The following ZBTB20 variants were observed in gnomAD, a reference collection of about 807,000 sequenced individuals.
ZBTB20 encodes zinc finger and BTB domain containing 20, also known as zinc finger and BTB domain-containing protein 20.
ZBTB20 carries 9 observed loss-of-function variants against 56.9 expected under a neutral mutation model. That is an observed-to-expected ratio of 0.16 (90% CI 0.10 to 0.28). ZBTB20 has a LOEUF of 0.28. ZBTB20 is among the 10% of genes least tolerant of loss of function. ZBTB20 has a pLI of 1.00. For synonymous variants in ZBTB20, 417 were observed against 420.7 expected (o/e 0.99, Z 0.11); for missense variants, 655 against 1,003.0 (o/e 0.65, Z 4.69).
At chr3:115,040,300 G>A (rs2081088532) in intron 2 of ZBTB20, among the ~76,000 whole-genome samples, 1 of 152,076 alleles carries the variant, frequency 6.6e-6, no homozygotes, top group South Asian at 2.1e-4. Context: ...CTTATAATAT[G>A]TCAGGGTAAG....
chr3:115,059,136 C>T (rs756546480), intron 2 of ZBTB20, among the ~76,000 whole-genome samples: 4 of 152,208 alleles, frequency 2.6e-5, no homozygotes, highest in African/African-American at 7.2e-5. Flanking sequence ...CTTCTAATTC[C>T]GTCATCTCTG....
rs1372276452 is a variant in ZBTB20, at chr3:114,318,643, G to A, written c.*20362C>T. ...GGCCCCCAGTCCCTAAGAAGGCAAT[G>A]ATTTGAGATAGAGAGGCAGAGCCCG... is the stretch of plus-strand genomic sequence containing the variant. On this transcript the variant is annotated 3_prime_UTR_variant, in exon 12 of 12. Transcript: ENST00000675478. The A allele has an allele frequency of 6.6e-6, 1 of 152,176 alleles. No individual in the cohort carries two copies. The highest frequency in any genetic ancestry group is 1.5e-5 in the Non-Finnish European group (1 of 68,034). 9.4% of individuals were successfully genotyped at this position (152,176 alleles called of 1,614,324 possible). A position where few individuals can be genotyped will look rare whatever the true frequency, so the allele number is the denominator to read the frequency against.
chr3:114,941,306 T>G lies in ZBTB20; in HGVS notation c.-456+33060A>C, dbSNP rs569762663. ...CTTTGAGAAACTAACATAAATGTTT[T>G]ACAAGTCCCATTTTGTGAAAGAGAA... On this transcript the variant is annotated intron_variant, in intron 3 of 11. Coordinates refer to ENST00000675478, the MANE Select transcript of ZBTB20 (RefSeq NM_001348800.3). Among the ~76,000 whole-genome samples, 1,024 of 146,654 alleles carry G rather than the reference T, an allele frequency of 7.0e-3. 208 individuals carry two copies. Among genetic ancestry groups the G allele is most frequent in the African/African-American group, 0.026 (951 of 36,324 alleles).
intron 2 of ZBTB20, among the ~76,000 whole-genome samples, chr3:115,004,380 A>G (rs2079381924): frequency 6.6e-6 from 1 of 151,726 alleles, no homozygotes; most frequent in Admixed American, 6.6e-5. Context: ...ATTACATGGA[A>G]GTATTCTGTA....
intron 4 of ZBTB20, among the ~76,000 whole-genome samples, chr3:114,895,405 C>G (rs1431744325): frequency 6.6e-6 from 1 of 152,164 alleles, no homozygotes; most frequent in East Asian, 1.9e-4. Flanking sequence ...TGAGAGTTGT[C>G]TGGGTTGTGT....
chr3:114,934,411 C>A (rs2076462389), intron 3 of ZBTB20, among the ~76,000 whole-genome samples: 1 of 152,204 alleles, frequency 6.6e-6, no homozygotes, highest in South Asian at 2.1e-4. Context: ...TCCTTTTCCT[C>A]CTCCTTTACC....
chr3:115,044,085 C>T (rs2081250808), intron 2 of ZBTB20, among the ~76,000 whole-genome samples: 1 of 152,180 alleles, frequency 6.6e-6, no homozygotes, highest in Non-Finnish European at 1.5e-5. Context: ...TCCCCAGAAA[C>T]CAAGCAGATT....
At chr3:114,710,497 C>T (rs1464456606) in intron 5 of ZBTB20, among the ~76,000 whole-genome samples, 1 of 152,170 alleles carries the variant, frequency 6.6e-6, no homozygotes, top group Non-Finnish European at 1.5e-5. Context: ...CTGCTCATTT[C>T]TCCATATCCC....
At chr3:114,587,439 A>C (rs1386733148) in intron 6 of ZBTB20, among the ~76,000 whole-genome samples, 1 of 152,246 alleles carries the variant, frequency 6.6e-6, no homozygotes, top group Non-Finnish European at 1.5e-5. Flanking sequence ...AAAGTGAAGC[A>C]GAGCTTAGAA....
rs1241224255 is a variant in ZBTB20 at position 114,322,157 on chromosome 3, T to C, written c.*16848A>G. 3.9e-5 allele frequency: 6 copies of C among 152,284 alleles called. No individual in the cohort carries two copies. Among genetic ancestry groups the C allele is most frequent in the Non-Finnish European group, 8.8e-5 (6 of 68,084 alleles). The allele number at this position is 152,284 out of a possible 1,614,324, so 9.4% of individuals were successfully genotyped here. The stretch of plus-strand genomic sequence containing the variant: ...GCACTGTGTACATGCTGCCCTATGT[T>C]TCACCAGTGACCTTTGTTTGGTTCT... On this transcript the variant is annotated 3_prime_UTR_variant, in exon 12 of 12. Coordinates refer to ENST00000675478, the MANE Select transcript of ZBTB20 (RefSeq NM_001348800.3).
chr3:114,988,933 G>A (rs1331937748), intron 2 of ZBTB20, among the ~76,000 whole-genome samples: 1 of 152,056 alleles, frequency 6.6e-6, no homozygotes, highest in Non-Finnish European at 1.5e-5. Flanking sequence ...CCTTCGCCCA[G>A]TTTTTGATGG....
In ZBTB20 at chr3:114,316,685, T is replaced by C. The variant is rs1305645072; in HGVS notation, c.*22320A>G. 2 of 402,484 alleles carry C rather than the reference T, an allele frequency of 5.0e-6. No homozygotes were observed. Among genetic ancestry groups the C allele is most frequent in the Non-Finnish European group, 1.0e-5 (2 of 197,352 alleles). The allele number at this position is 402,484 out of a possible 1,614,324, so 24.9% of individuals were successfully genotyped here. The stretch of plus-strand genomic sequence containing the variant: ...GCTTTAATTTATTTTTTAAAGTGCA[T>C]TTTCAATGCAGAAAAACTGTAATCC... On this transcript the variant is annotated 3_prime_UTR_variant, in exon 12 of 12. Coordinates refer to ENST00000675478, the MANE Select transcript of ZBTB20 (RefSeq NM_001348800.3).
At chr3:114,355,577 T>C (rs1282141294) in intron 10 of ZBTB20, among the ~76,000 whole-genome samples, 1 of 152,168 alleles carries the variant, frequency 6.6e-6, no homozygotes, top group Admixed American at 6.5e-5. Flanking sequence ...TTAACACTAA[T>C]ACAGTGGGAA....
chr3:114,464,894 A>G lies in ZBTB20; in HGVS notation c.-255+35458T>C, dbSNP rs1443697716. Among the ~76,000 whole-genome samples, 4 of 152,198 alleles carry G rather than the reference A, an allele frequency of 2.6e-5. No individual in the cohort carries two copies. In the East Asian group the frequency reaches 7.7e-4, roughly 29 times the overall value. ...CACTACAATAACAGGACTAAATGCA[A>G]GAAGGTACATTACAAGGTTCTTTTT... is the stretch of plus-strand genomic sequence containing the variant. On this transcript the variant is annotated intron_variant, in intron 7 of 11. Coordinates refer to ENST00000675478, the MANE Select transcript of ZBTB20 (RefSeq NM_001348800.3).
At chr3:115,033,747 TACATGAGGCCTGTA>T (rs1479834211) in intron 2 of ZBTB20, among the ~76,000 whole-genome samples, 1 of 151,752 alleles carries the variant, frequency 6.6e-6, no homozygotes, top group East Asian at 1.9e-4. Flanking sequence ...CCTGATTGAT[TACATGAGGCCTGTA>T]TTACCCTGAT....
intron 10 of ZBTB20, among the ~76,000 whole-genome samples, chr3:114,370,101 A>G (rs2733420): frequency 0.98 from 149,936 of 152,252 alleles, 73,839 homozygotes; most frequent in East Asian, 1. Context: ...AATTCCTTTC[A>G]CATATATTTA....
intron 4 of ZBTB20, among the ~76,000 whole-genome samples, chr3:114,857,412 T>C (rs1381968030): frequency 6.6e-6 from 1 of 152,182 alleles, no homozygotes; most frequent in African/African-American, 2.4e-5. Flanking sequence ...AAGGACAGGA[T>C]ATGAATAAAT....
intron 5 of ZBTB20, among the ~76,000 whole-genome samples, chr3:114,777,687 C>T (rs927042442): frequency 3.3e-5 from 5 of 152,100 alleles, no homozygotes; most frequent in African/African-American, 4.8e-5. Flanking sequence ...GTCGGTGTGG[C>T]GATTCCGCAG....
chr3:114,491,044 C>G (rs2042698359), intron 7 of ZBTB20, among the ~76,000 whole-genome samples: 1 of 152,152 alleles, frequency 6.6e-6, no homozygotes, highest in South Asian at 2.1e-4. Context: ...TAGATGGTGT[C>G]TTACTCACCT....
Sources: allele counts gnomAD v4.1 joint callset (sites outside exome capture counted in the v4.1 genomes callset), GRCh38; gene constraint gnomAD v4.1.1; transcripts MANE v1.5; gene names NCBI Gene and HGNC (gene_info 2026-07-23, HGNC 2026-07-21).